RHOG: variants seen among roughly 807,000 people sequenced by gnomAD.
The protein encoded by RHOG is rho-related GTP-binding protein RhoG.
Under a neutral mutation model 12.3 loss-of-function variants are expected in RHOG, and 1 was observed. That is an observed-to-expected ratio of 0.08 (90% CI 0.03 to 0.39). The LOEUF is 0.39. RHOG is among the 10% of genes least tolerant of loss of function. The pLI, the probability that RHOG is intolerant of heterozygous loss-of-function variation, is 0.99. For synonymous variants in RHOG, 129 were observed against 116.0 expected, an observed-to-expected ratio of 1.11 and a Z score of -0.72; for missense variants, 114 against 266.2, an observed-to-expected ratio of 0.43 and a Z score of 3.98.
Position 3,827,659 on chromosome 11 carries a change from C to T in RHOG, c.480G>A (p.Leu160=), listed in dbSNP as rs761360919. Reference sequence around the variant, plus strand: ...ACACTTCCTTGACACCATCCTGTTGCAGGGCTGAGCATTCGAGGTAGCGCA... The same window carrying T: ...ACACTTCCTTGACACCATCCTGTTGTAGGGCTGAGCATTCGAGGTAGCGCA... ...HAVRYLECSA[L]QQDGVKEVFA... Residue 160 remains leucine (L), a synonymous_variant, in exon 2 of 2, where the codon CTG becomes CTA. Coordinates refer to ENST00000351018, the MANE Select transcript of RHOG (RefSeq NM_001665.4). The surrounding 1 kb of genome is among the most constrained non-coding windows in gnomAD (Gnocchi z 7.3). 3.7e-6 allele frequency: 6 copies of T among 1,614,000 alleles called. No individual in the cohort carries two copies. The Admixed American group carries it at 1.0e-4, about 27-fold the overall frequency.
Position 3,831,425 on chromosome 11 carries a change from T to TAAA in RHOG, c.-68-3220_-68-3219insTTT, listed in dbSNP as rs572862672. Among the ~76,000 whole-genome samples the TAAA allele has an allele frequency of 4.3e-3, 654 of 152,172 alleles. 5 individuals are homozygous for TAAA. The highest frequency in any genetic ancestry group is 0.018 in the South Asian group (88 of 4,816). ...ATGAATGAGAGAGAGTGTGTGTGTG[T>TAAA]GTTTGTGCGCGTGCACGTGTGCATG... On this transcript the variant is annotated intron_variant, in intron 1 of 1. Coordinates refer to ENST00000351018, the MANE Select transcript of RHOG (RefSeq NM_001665.4).
chr11:3,834,418 C>T (rs989992222), intron 1 of RHOG, among the ~76,000 whole-genome samples: 6 of 152,196 alleles, frequency 3.9e-5, no homozygotes, highest in Non-Finnish European at 8.8e-5. Flanking sequence ...TTGTACCAGC[C>T]CTCATCACTG....
At chr11:3,832,570 G>A (rs1029882750) in intron 1 of RHOG, among the ~76,000 whole-genome samples, 1 of 152,190 alleles carries the variant, frequency 6.6e-6, no homozygotes, top group Non-Finnish European at 1.5e-5. Flanking sequence ...GTACACACAG[G>A]AGGTGACAGG....
rs777561222 is a variant in RHOG, at chr11:3,828,148, A to G, written c.-10T>C. On this transcript the variant is annotated 5_prime_UTR_variant, in exon 2 of 2. Transcript: ENST00000351018. Reference sequence around the variant, plus strand: ...ACTTGATGCTCTGCATCGTGGGTGCAGTTGCTGTAGTGGAGGCAGTGCCTC... The same window carrying G: ...ACTTGATGCTCTGCATCGTGGGTGCGGTTGCTGTAGTGGAGGCAGTGCCTC... The G allele has an allele frequency of 6.2e-6, 10 of 1,608,472 alleles. No homozygotes were observed. The African/African-American group carries it at 8.0e-5, about 13-fold the overall frequency.
intron 1 of RHOG, among the ~76,000 whole-genome samples, chr11:3,834,886 A>C (rs1339274066): frequency 1.3e-5 from 2 of 152,300 alleles, no homozygotes; most frequent in African/African-American, 4.8e-5. Flanking sequence ...CCCTTTCTGC[A>C]GCCCTCCCTG....
chr11:3,837,634 C>G (rs1470997286), intron 1 of RHOG, among the ~76,000 whole-genome samples: 9 of 152,174 alleles, frequency 5.9e-5, no homozygotes, highest in Admixed American at 5.9e-4. Flanking sequence ...AGCAAATCTA[C>G]GACAAGGATC....
intron 1 of RHOG, among the ~76,000 whole-genome samples, chr11:3,829,734 T>G (rs1405685048): frequency 6.6e-6 from 1 of 151,846 alleles, no homozygotes; most frequent in Non-Finnish European, 1.5e-5. Flanking sequence ...TCAAGGCCCT[T>G]GGTGGGGTGG....
At chr11:3,828,622 A>ATTTTTTT (rs755612599) in intron 1 of RHOG, among the ~76,000 whole-genome samples, 3 of 125,756 alleles carry the variant, frequency 2.4e-5, no homozygotes, top group Non-Finnish European at 3.3e-5. Context: ...AGTATTAGCT[A>ATTTTTTT]TTTTTTTTTT....
At chr11:3,840,853 C>T (rs1164943666) in intron 1 of RHOG, 41 bp downstream of exon 1, 10 of 152,146 alleles carry the variant, frequency 6.6e-5, no homozygotes, top group Non-Finnish European at 1.3e-4. Context: ...CCGGGCTCTC[C>T]TCCCCCGGAC....
intron 1 of RHOG, among the ~76,000 whole-genome samples, chr11:3,828,803 G>A (rs1252454688): frequency 2.0e-5 from 3 of 151,518 alleles, no homozygotes; most frequent in African/African-American, 7.3e-5. Flanking sequence ...TGTATTTTTA[G>A]TAGAGATGGG....
Position 3,829,250 on chromosome 11 carries a change from T to A in RHOG, c.-68-1044A>T, listed in dbSNP as rs899088648. ...CCAGGGTATTCTGGCAATGGGGAAA[T>A]TTTTTTTTTTTTTTTTTTTTGAGAT... On this transcript the variant is annotated intron_variant, in intron 1 of 1. Coordinates refer to ENST00000351018, the MANE Select transcript of RHOG (RefSeq NM_001665.4). Among the ~76,000 whole-genome samples, 144 of 114,208 alleles carry A rather than the reference T, an allele frequency of 1.3e-3. No homozygotes were observed. The Middle Eastern group carries it at 0.015, about 12-fold the overall frequency. 74.9% of individuals were successfully genotyped at this position (114,208 alleles called of 152,430 possible). A position where few individuals can be genotyped will look rare whatever the true frequency, so the allele number is the denominator to read the frequency against.
chr11:3,830,250 A>C (rs967746544), intron 1 of RHOG, among the ~76,000 whole-genome samples: 33 of 152,202 alleles, frequency 2.2e-4, no homozygotes, highest in African/African-American at 7.7e-4. Context: ...TTCTAATCAC[A>C]GCTCCACCAA....
intron 1 of RHOG, among the ~76,000 whole-genome samples, chr11:3,839,485 AACACACACACAC>A (rs71041402): frequency 0.035 from 4,986 of 141,966 alleles, 256 homozygotes; most frequent in African/African-American, 0.12. Flanking sequence ...CGCGCGCGCG[AACACACACACAC>A]ACACACACAC....
In RHOG at chr11:3,827,369, G is replaced by A. The variant is rs756935448; in HGVS notation, c.*194C>T. 8.4e-6 allele frequency: 5 copies of A among 596,378 alleles called. No individual in the cohort carries two copies. The highest frequency in any genetic ancestry group is 7.4e-5 in the African/African-American group (4 of 53,760). 36.9% of individuals were successfully genotyped at this position (596,378 alleles called of 1,614,324 possible). On this transcript the variant is annotated 3_prime_UTR_variant, in exon 2 of 2. Transcript: ENST00000351018. The surrounding 1 kb of genome is among the most constrained non-coding windows in gnomAD (Gnocchi z 7.3). ...GAATACCCAGTGTTCCCAAGCAGAG[G>A]GGGGCAGAGCCCAAAGCCCCTTTCT...
intron 1 of RHOG, among the ~76,000 whole-genome samples, chr11:3,832,240 T>C (rs2090134027): frequency 3.9e-5 from 6 of 152,216 alleles, no homozygotes; most frequent in Admixed American, 3.9e-4. Flanking sequence ...CTGTTAGTAC[T>C]ATGCCTATTC....
intron 1 of RHOG, among the ~76,000 whole-genome samples, chr11:3,833,170 A>G (rs1234632341): frequency 6.6e-6 from 1 of 152,034 alleles, no homozygotes; most frequent in Non-Finnish European, 1.5e-5. Context: ...TGGTGCCATC[A>G]CAGCTCACTG....
chr11:3,828,822 G>A (rs527770723), intron 1 of RHOG, among the ~76,000 whole-genome samples: 1,965 of 151,464 alleles, frequency 0.013, 15 homozygotes, highest in Non-Finnish European at 0.018. Flanking sequence ...GGGTTTCACC[G>A]TGTTGGCCAG....
chr11:3,835,837 AGTTT>A (rs76905884), intron 1 of RHOG, among the ~76,000 whole-genome samples: 29 of 151,996 alleles, frequency 1.9e-4, no homozygotes, highest in South Asian at 6.2e-4. Flanking sequence ...AAGCTCTACA[AGTTT>A]GTTTGTTTGT....
At chr11:3,832,505 G>A (rs905502343) in intron 1 of RHOG, among the ~76,000 whole-genome samples, 20 of 152,106 alleles carry the variant, frequency 1.3e-4, no homozygotes, top group Admixed American at 1.2e-3. Context: ...AGCCTCAAGG[G>A]CAGCATCAAG....
Sources: gnomAD v4.1 joint callset for allele counts (sites outside exome capture counted in the v4.1 genomes callset) on GRCh38, gnomAD v4.1.1 for gene constraint, Gnocchi (gnomAD v3.1) non-coding constraint, MANE v1.5 for transcripts, NCBI Gene and HGNC (gene_info 2026-07-23, HGNC 2026-07-21) for gene names.